CHODL: variants seen among roughly 807,000 people sequenced by gnomAD.
CHODL encodes the protein transmembrane protein MT75.
Under a neutral mutation model 34.5 loss-of-function variants are expected in CHODL, and 29 were observed. The observed-to-expected ratio is 0.84, with a 90% CI of 0.63 to 1.15. The LOEUF is 1.15. Among genes scored for constraint, CHODL ranks in the 50% most tolerant of loss-of-function variants. CHODL has a pLI of 0.00. For missense variants in CHODL, 332 were observed against 332.5 expected, an observed-to-expected ratio of 1.00 and a Z score of 0.01; for synonymous variants, 125 against 116.1, an observed-to-expected ratio of 1.08 and a Z score of -0.49.
At position 18,023,873 on chromosome 21, in the gene CHODL, G is replaced by A. The variant is rs543491687; in HGVS notation, c.-144-3999G>A. On this transcript the variant is annotated intron_variant, in intron 1 of 6. Transcript: ENST00000400127. ...GAAAGAATTGCTATGGAATATAAAC[G>A]CTTCTTGGAAAGGAGATGAAACGGC... is the stretch of plus-strand genomic sequence containing the variant. Among the ~76,000 whole-genome samples, 4 of 152,078 alleles carry A rather than the reference G, an allele frequency of 2.6e-5. No individual in the cohort carries two copies. The South Asian group carries it at 8.3e-4, about 32-fold the overall frequency.
intron 2 of CHODL, among the ~76,000 whole-genome samples, chr21:18,075,730 C>G (rs997291274): frequency 6.6e-6 from 1 of 152,126 alleles, no homozygotes; most frequent in Non-Finnish European, 1.5e-5. Flanking sequence ...TACATGATCT[C>G]TATGTCTGCC....
At chr21:18,162,517 C>G (rs2073108695) in intron 2 of CHODL, among the ~76,000 whole-genome samples, 1 of 151,636 alleles carries the variant, frequency 6.6e-6, no homozygotes, top group Admixed American at 6.6e-5. Flanking sequence ...AATAAGGACA[C>G]TTGTCACGTT....
chr21:18,185,744 G>A (rs1035646688), intron 2 of CHODL, among the ~76,000 whole-genome samples: 2 of 152,154 alleles, frequency 1.3e-5, no homozygotes, highest in Non-Finnish European at 2.9e-5. Flanking sequence ...AGTTTTGAAG[G>A]CTGGAAAGTC....
chr21:18,104,003 A>G (rs2065245210), intron 2 of CHODL, among the ~76,000 whole-genome samples: 1 of 152,198 alleles, frequency 6.6e-6, no homozygotes. Context: ...ACAATGAGAC[A>G]ATGTCTGTTA....
At chr21:18,140,893 G>A (rs2072793033) in intron 2 of CHODL, among the ~76,000 whole-genome samples, 2 of 149,010 alleles carry the variant, frequency 1.3e-5, no homozygotes, top group South Asian at 4.2e-4. Context: ...TTGATACAAA[G>A]ACGTGTATTG....
At chr21:18,009,115 T>C (rs157747) in intron 1 of CHODL, among the ~76,000 whole-genome samples, 4,709 of 152,332 alleles carry the variant, frequency 0.031, 232 homozygotes, top group African/African-American at 0.1. Context: ...TCATCATTCT[T>C]CCGTCATAGA....
chr21:18,038,648 A>G (rs1486826168), intron 2 of CHODL, among the ~76,000 whole-genome samples: 2 of 151,772 alleles, frequency 1.3e-5, no homozygotes, highest in African/African-American at 2.4e-5. Context: ...GTAAGTGGGA[A>G]AAATACTTGC....
At chr21:18,219,552 A>G (rs989878752) in intron 2 of CHODL, among the ~76,000 whole-genome samples, 1 of 152,182 alleles carries the variant, frequency 6.6e-6, no homozygotes, top group Non-Finnish European at 1.5e-5. Flanking sequence ...CCAACAGAGT[A>G]TGAGAGTTCC....
intron 1 of CHODL, among the ~76,000 whole-genome samples, chr21:18,008,672 G>A (rs549313620): frequency 6.3e-4 from 96 of 152,162 alleles, no homozygotes; most frequent in African/African-American, 2.2e-3. Context: ...TTTGCAAATG[G>A]CAGAATTTCC....
chr21:18,194,392 T>C (rs561307440), intron 2 of CHODL, among the ~76,000 whole-genome samples: 114 of 152,284 alleles, frequency 7.5e-4, no homozygotes, highest in African/African-American at 8.7e-4. Flanking sequence ...CCCTTGCCCT[T>C]TCTGTTCTCT....
At chr21:18,185,071 C>T (rs1001524530) in intron 2 of CHODL, among the ~76,000 whole-genome samples, 17 of 151,892 alleles carry the variant, frequency 1.1e-4, no homozygotes, top group African/African-American at 3.4e-4. Context: ...ATGTGCAGAA[C>T]GTGCAGGTTT....
At chr21:17,956,964 GA>G (rs1249142338) in intron 1 of CHODL, among the ~76,000 whole-genome samples, 1 of 151,794 alleles carries the variant, frequency 6.6e-6, no homozygotes, top group Non-Finnish European at 1.5e-5. Flanking sequence ...TTGAATCAGT[GA>G]ACTGAGTAAA....
At chr21:17,934,049 A>G (rs1191920721) in intron 1 of CHODL, among the ~76,000 whole-genome samples, 1 of 151,862 alleles carries the variant, frequency 6.6e-6, no homozygotes, top group Non-Finnish European at 1.5e-5. Flanking sequence ...AAAAAGAAAA[A>G]AAAAAAAAGA....
intron 2 of CHODL, among the ~76,000 whole-genome samples, chr21:18,145,298 G>T (rs1173840865): frequency 1.3e-5 from 2 of 148,340 alleles, no homozygotes; most frequent in Admixed American, 6.7e-5. Flanking sequence ...TTAGCCGGGC[G>T]CGGTGGCGGG....
intron 2 of CHODL, chr21:18,134,285 T>C: frequency 1.9e-6 from 1 of 513,020 alleles, no homozygotes; most frequent in Non-Finnish European, 3.9e-6. Flanking sequence ...GATGATCTCT[T>C]TTGCCACTGT....
intron 2 of CHODL, among the ~76,000 whole-genome samples, chr21:18,219,623 A>T (rs748092960): frequency 3.3e-5 from 5 of 152,112 alleles, no homozygotes; most frequent in African/African-American, 1.2e-4. Flanking sequence ...AGACATTTTA[A>T]TTGGGATAAG....
intron 2 of CHODL, among the ~76,000 whole-genome samples, chr21:18,223,951 C>T (rs898328325): frequency 7.9e-5 from 12 of 152,102 alleles, no homozygotes; most frequent in African/African-American, 2.4e-4. Flanking sequence ...CCAGTGTTAG[C>T]GATAGAGTAA....
intron 2 of CHODL, among the ~76,000 whole-genome samples, chr21:18,141,718 A>G (rs1177464675): frequency 1.5e-5 from 2 of 135,180 alleles, no homozygotes; most frequent in Non-Finnish European, 3.0e-5. Context: ...CTTGAGAAAG[A>G]ACAGGAAAAA....
chr21:18,177,362 C>A (rs2073328741), intron 2 of CHODL, among the ~76,000 whole-genome samples: 1 of 152,026 alleles, frequency 6.6e-6, no homozygotes, highest in Non-Finnish European at 1.5e-5. Context: ...TTTAAATAAT[C>A]CAGTTTCTTC....
Sources: gnomAD v4.1 joint callset for allele counts (sites outside exome capture counted in the v4.1 genomes callset) on GRCh38, gnomAD v4.1.1 for gene constraint, MANE v1.5 for transcripts, NCBI Gene and HGNC (gene_info 2026-07-23, HGNC 2026-07-21) for gene names.